The following TRPC7 variants were observed in gnomAD, a reference collection of about 807,000 sequenced individuals.
TRPC7 encodes short transient receptor potential channel 7.
In TRPC7, 42 loss-of-function variants were observed where a neutral mutation model predicts 90.1. That is an observed-to-expected ratio of 0.47 (90% CI 0.36 to 0.60). The LOEUF (loss-of-function observed/expected upper bound fraction) is 0.60, where lower values mean the gene tolerates loss of function less well. TRPC7 is among the 20% of genes least tolerant of loss of function. TRPC7 has a pLI of 0.00. For missense variants in TRPC7, 955 were observed against 1,112.3 expected, an observed-to-expected ratio of 0.86 and a Z score of 2.01; for synonymous variants, 451 against 436.3, an observed-to-expected ratio of 1.03 and a Z score of -0.42.
At chr5:136,346,061 T>C (rs1759994045) in intron 2 of TRPC7, among the ~76,000 whole-genome samples, 1 of 152,112 alleles carries the variant, frequency 6.6e-6, no homozygotes, top group Non-Finnish European at 1.5e-5. Flanking sequence ...TCCATTGGTC[T>C]ATATCTCACA....
intron 3 of TRPC7, among the ~76,000 whole-genome samples, chr5:136,290,543 G>A (rs988259537): frequency 6.6e-6 from 1 of 152,208 alleles, no homozygotes; most frequent in Non-Finnish European, 1.5e-5. Flanking sequence ...GGGTATCAGC[G>A]ATGGAAGACA....
At chr5:136,302,861 T>C (rs1481626904) in intron 3 of TRPC7, among the ~76,000 whole-genome samples, 2 of 151,970 alleles carry the variant, frequency 1.3e-5, no homozygotes, top group African/African-American at 4.8e-5. Flanking sequence ...ATGAAACTCA[T>C]CCCAAATCTT....
intron 5 of TRPC7, among the ~76,000 whole-genome samples, chr5:136,260,836 C>T (rs904821439): frequency 3.9e-5 from 6 of 152,212 alleles, no homozygotes; most frequent in African/African-American, 4.8e-5. Flanking sequence ...ACTCTCCATT[C>T]CTGAAAGTAC....
intron 2 of TRPC7, among the ~76,000 whole-genome samples, chr5:136,338,756 T>C (rs1489381020): frequency 6.6e-6 from 1 of 152,194 alleles, no homozygotes; most frequent in African/African-American, 2.4e-5. Context: ...GTTTTCTTGA[T>C]TGGCATTAAA....
At chr5:136,291,922 C>G (rs1284235192) in intron 3 of TRPC7, among the ~76,000 whole-genome samples, 2 of 152,016 alleles carry the variant, frequency 1.3e-5, no homozygotes, top group South Asian at 2.1e-4. Context: ...TGTAAAAGAA[C>G]AGAAATTATA....
At chr5:136,235,419 T>C (rs145092622) in intron 7 of TRPC7, among the ~76,000 whole-genome samples, 7 of 152,298 alleles carry the variant, frequency 4.6e-5, no homozygotes, top group African/African-American at 1.7e-4. Context: ...AAATGACTTG[T>C]GTTGCCTTGA....
intron 3 of TRPC7, among the ~76,000 whole-genome samples, chr5:136,279,859 G>T (rs1333740012): frequency 6.6e-6 from 1 of 152,146 alleles, no homozygotes; most frequent in Admixed American, 6.5e-5. Flanking sequence ...GGTCCATCCT[G>T]CTCTTCTCTG....
At chr5:136,364,662 C>G (rs183881600) in intron 1 of TRPC7, among the ~76,000 whole-genome samples, 1 of 152,130 alleles carries the variant, frequency 6.6e-6, no homozygotes, top group Non-Finnish European at 1.5e-5. Flanking sequence ...CAACTTCAAA[C>G]TTAAAGGGGA....
At chr5:136,270,928 G>A (rs1302298681) in intron 4 of TRPC7, among the ~76,000 whole-genome samples, 2 of 152,188 alleles carry the variant, frequency 1.3e-5, no homozygotes, top group Non-Finnish European at 2.9e-5. Context: ...AAATTGTGTT[G>A]TGATTTTCTT....
At chr5:136,350,468 C>A (rs1426094949) in intron 2 of TRPC7, among the ~76,000 whole-genome samples, 1 of 152,180 alleles carries the variant, frequency 6.6e-6, no homozygotes, top group Admixed American at 6.5e-5. Flanking sequence ...AGAGAAACAT[C>A]ATCTAATTTT....
intron 2 of TRPC7, among the ~76,000 whole-genome samples, chr5:136,335,106 T>C (rs1257404664): frequency 6.6e-6 from 1 of 152,214 alleles, no homozygotes; most frequent in Non-Finnish European, 1.5e-5. Flanking sequence ...AAGATTGATA[T>C]CCACTTTGTA....
At chr5:136,294,437 T>A (rs1203821038) in intron 3 of TRPC7, among the ~76,000 whole-genome samples, 2 of 151,646 alleles carry the variant, frequency 1.3e-5, no homozygotes, top group Non-Finnish European at 2.9e-5. Flanking sequence ...TCAAACAAAT[T>A]TACAAGAAAA....
chr5:136,332,609 T>G (rs1759535525), intron 2 of TRPC7, among the ~76,000 whole-genome samples: 1 of 152,144 alleles, frequency 6.6e-6, no homozygotes, highest in Non-Finnish European at 1.5e-5. Context: ...AAATTCTGAA[T>G]GTCTTTGAAA....
At chr5:136,356,141 T>C (rs1161855098) in intron 2 of TRPC7, among the ~76,000 whole-genome samples, 1 of 152,224 alleles carries the variant, frequency 6.6e-6, no homozygotes, top group Non-Finnish European at 1.5e-5. Context: ...CAGGTCTTCC[T>C]ATTAGACTGA....
intron 10 of TRPC7, among the ~76,000 whole-genome samples, chr5:136,221,478 G>A (rs1490126803): frequency 6.6e-6 from 1 of 152,212 alleles, no homozygotes; most frequent in Non-Finnish European, 1.5e-5. Flanking sequence ...GGGGAACACA[G>A]GACATCTTTC....
intron 5 of TRPC7, among the ~76,000 whole-genome samples, chr5:136,256,354 C>T (rs915980122): frequency 6.6e-6 from 1 of 152,156 alleles, no homozygotes; most frequent in African/African-American, 2.4e-5. Context: ...GAAACTTTGT[C>T]CTTCATTTCC....
chr5:136,298,587 C>T (rs1758264436), intron 3 of TRPC7, among the ~76,000 whole-genome samples: 1 of 152,172 alleles, frequency 6.6e-6, no homozygotes. Context: ...CCCAGAAATG[C>T]CTAGGAGGTG....
chr5:136,242,594 T>C (rs1220863495), intron 7 of TRPC7, among the ~76,000 whole-genome samples: 1 of 152,204 alleles, frequency 6.6e-6, no homozygotes, highest in East Asian at 1.9e-4. Context: ...ATCCTACTAA[T>C]AAGATATTCA....
Position 136,213,599 on chromosome 5 carries a change from G to C in TRPC7, c.2425C>G (p.Leu809Val), listed in dbSNP as rs1755162413. 2.5e-6 allele frequency: 4 copies of C among 1,613,776 alleles called. No individual in the cohort carries two copies. In the South Asian group the frequency reaches 3.3e-5, roughly 13 times the overall value. The change falls in exon 12 of 12, where the codon CTG (leucine) becomes GTG (valine). Residue 809 changes from leucine to valine, a missense_variant. By Grantham distance (32) the Leu-to-Val change is conservative (BLOSUM62 1). Transcript: ENST00000513104. Reference sequence around the variant, plus strand: ...GAGATATCTTGCTTGATTTCCTTCAGCTCGCCTGCAAGGACAGAGGAGATT... The same window carrying C: ...GAGATATCTTGCTTGATTTCCTTCACCTCGCCTGCAAGGACAGAGGAGATT... ...RENDEVNEGE[L>V]KEIKQDISSL...
Sources: gnomAD v4.1 joint callset for allele counts (sites outside exome capture counted in the v4.1 genomes callset) on GRCh38, gnomAD v4.1.1 for gene constraint, MANE v1.5 for transcripts, NCBI Gene and HGNC (gene_info 2026-07-23, HGNC 2026-07-21) for gene names.